GRIN3A: variants seen among roughly 807,000 people sequenced by gnomAD.
GRIN3A encodes the protein glutamate receptor ionotropic, NMDA 3A.
Under a neutral mutation model 92.4 loss-of-function variants are expected in GRIN3A, and 47 were observed. That is an observed-to-expected ratio of 0.51 (90% CI 0.40 to 0.65). The LOEUF is 0.65. GRIN3A is among the 30% of genes least tolerant of loss of function. GRIN3A has a pLI of 0.00. For missense variants in GRIN3A, 1,324 were observed against 1,393.1 expected, an observed-to-expected ratio of 0.95 and a Z score of 0.79; for synonymous variants, 527 against 540.6, an observed-to-expected ratio of 0.97 and a Z score of 0.35.
intron 6 of GRIN3A, among the ~76,000 whole-genome samples, chr9:101,606,905 C>CTTTTTTT (rs1828291100): frequency 9.6e-6 from 1 of 103,668 alleles, no homozygotes; most frequent in African/African-American, 3.5e-5. Flanking sequence ...AAAAAAATTA[C>CTTTTTTT]ATTTTTTTTT....
chr9:101,610,768 A>G (rs1250786045), intron 6 of GRIN3A, among the ~76,000 whole-genome samples: 1 of 152,166 alleles, frequency 6.6e-6, no homozygotes, highest in African/African-American at 2.4e-5. Context: ...AGCAAGTGTC[A>G]GAGGATGGAG....
intron 1 of GRIN3A, among the ~76,000 whole-genome samples, chr9:101,687,686 T>C (rs912917398): frequency 6.6e-6 from 1 of 152,226 alleles, no homozygotes; most frequent in African/African-American, 2.4e-5. Context: ...GATGGATGCA[T>C]CATAGTTTCC....
At chr9:101,696,098 GC>G (rs1383219318) in intron 1 of GRIN3A, among the ~76,000 whole-genome samples, 2 of 152,178 alleles carry the variant, frequency 1.3e-5, no homozygotes, top group Admixed American at 1.3e-4. Context: ...AAATAGACCA[GC>G]ATTAGCAGCA....
intron 1 of GRIN3A, among the ~76,000 whole-genome samples, chr9:101,710,915 T>C (rs1271683171): frequency 6.6e-6 from 1 of 152,222 alleles, no homozygotes; most frequent in Non-Finnish European, 1.5e-5. Flanking sequence ...CTATGTTTTC[T>C]CATATACATA....
Position 101,670,835 on chromosome 9 carries a change from A to G in GRIN3A, c.1577T>C (p.Val526Ala). 3 of 1,613,980 alleles carry G rather than the reference A, an allele frequency of 1.9e-6. No homozygotes were observed. The highest frequency in any genetic ancestry group is 1.1e-5 in the South Asian group (1 of 91,080). The change falls in exon 3 of 9, where the codon GTC becomes GCC. Residue 526 changes from valine to alanine, a missense_variant. Physicochemically the swap from Val to Ala is moderately conservative, Grantham distance 64. Transcript: ENST00000361820. ...RVVTLIEHPFVFTREVDDEGL... is the reference protein window; with the variant it reads ...RVVTLIEHPFAFTREVDDEGL... The stretch of plus-strand genomic sequence containing the variant: ...TTCATCATCTACCTCCCTTGTGAAG[A>G]CAAAAGGATGCTCAATCAGGGTAAC...
chr9:101,601,106 A>G (rs1010534528), intron 6 of GRIN3A: 1 of 152,218 alleles, frequency 6.6e-6, no homozygotes, highest in African/African-American at 2.4e-5. Flanking sequence ...TTCTTCAAGA[A>G]GTATTTGATC....
intron 1 of GRIN3A, among the ~76,000 whole-genome samples, chr9:101,721,842 A>T (rs1830016322): frequency 6.6e-6 from 1 of 152,228 alleles, no homozygotes; most frequent in African/African-American, 2.4e-5. Context: ...GGGTGCTGTT[A>T]AAAGCATTCC....
chr9:101,615,755 T>A (rs1828441748), intron 5 of GRIN3A, among the ~76,000 whole-genome samples: 2 of 152,180 alleles, frequency 1.3e-5, no homozygotes, highest in African/African-American at 4.8e-5. Context: ...GAGCCCAGTA[T>A]GTCCTAGTAC....
rs1827759361 is a variant in GRIN3A, at chr9:101,571,463, G to A, written c.*1711C>T. On this transcript the variant is annotated 3_prime_UTR_variant, in exon 9 of 9. Transcript: ENST00000361820. Reference sequence around the variant, plus strand: ...CAGCTGTAAAAGAGGAAAGTGCTTGGCACAGCTCCTGAACTTATTGTAGGC... The same window carrying A: ...CAGCTGTAAAAGAGGAAAGTGCTTGACACAGCTCCTGAACTTATTGTAGGC... The A allele has an allele frequency of 6.6e-6, 1 of 152,136 alleles. No individual in the cohort carries two copies. The highest frequency in any genetic ancestry group is 2.4e-5 in the African/African-American group (1 of 41,422). 9.4% of individuals were successfully genotyped at this position (152,136 alleles called of 1,614,324 possible).
In GRIN3A at chr9:101,675,669, T is replaced by TA. The variant is rs1393403554; in HGVS notation, c.1305-4563_1305-4562insT. On this transcript the variant is annotated intron_variant, in intron 2 of 8. Transcript: ENST00000361820. ...GGCACAATGTTGACATAGGAGGGGTTTTTTTTTTGTAATTTTAAAAGGTTT... is the reference window on the plus strand; with the variant it reads ...GGCACAATGTTGACATAGGAGGGGTTATTTTTTTTGTAATTTTAAAAGGTTT... Among the ~76,000 whole-genome samples the TA allele has an allele frequency of 2.0e-5, 3 of 150,544 alleles. No homozygotes were observed. In the South Asian group the frequency reaches 6.3e-4, roughly 31 times the overall value.
intron 8 of GRIN3A, among the ~76,000 whole-genome samples, chr9:101,574,945 C>A (rs1371747990): frequency 6.6e-6 from 1 of 152,204 alleles, no homozygotes; most frequent in Non-Finnish European, 1.5e-5. Context: ...TAGCTGCTTT[C>A]CCCATCCCCC....
rs1311695759 is a variant in GRIN3A at position 101,671,018 on chromosome 9, A to G, written c.1394T>C (p.Ile465Thr). Residue 465 changes from isoleucine to threonine, a missense_variant, in exon 3 of 9, where the codon ATC becomes ACC. By Grantham distance (89) the Ile-to-Thr change is moderately conservative. Coordinates refer to ENST00000361820, the MANE Select transcript of GRIN3A (RefSeq NM_133445.3). The stretch of plus-strand genomic sequence containing the variant: ...CATGGGGTCATGTTGAAGATTCCAG[A>G]TGAAAAAGTTGTTTTCTGAGCTGAC... ...TIVSSENNFF[I>T]WNLQHDPMGK... is the part of the protein sequence containing the mutation. The G allele has an allele frequency of 1.2e-6, 2 of 1,613,964 alleles. No homozygotes were observed. The highest frequency in any genetic ancestry group is 1.7e-6 in the Non-Finnish European group (2 of 1,179,902).
chr9:101,686,558 C>T lies in GRIN3A; in HGVS notation c.1304+38G>A, dbSNP rs539983951. 8 of 1,612,222 alleles carry T rather than the reference C, an allele frequency of 5.0e-6. No individual in the cohort carries two copies. In the Admixed American group the frequency reaches 1.2e-4, roughly 24 times the overall value. On this transcript the variant is annotated intron_variant, in intron 2 of 8. Transcript: ENST00000361820. ...GGGGAATTTTACTCTCTGTCATGGC[C>T]CTATGAATGGGGATATAACCGAGAC...
chr9:101,734,180 C>A (rs1193891889), intron 1 of GRIN3A, among the ~76,000 whole-genome samples: 1 of 151,956 alleles, frequency 6.6e-6, no homozygotes, highest in Non-Finnish European at 1.5e-5. Context: ...CTACACAAAA[C>A]CTGTAGAAGA....
chr9:101,639,242 G>C (rs1377018755), intron 3 of GRIN3A, among the ~76,000 whole-genome samples: 1 of 151,976 alleles, frequency 6.6e-6, no homozygotes, highest in African/African-American at 2.4e-5. Flanking sequence ...AATTACCTTA[G>C]ATCCATTATT....
In GRIN3A at chr9:101,577,813, A is replaced by G. The variant is rs778513546; in HGVS notation, c.2963T>C (p.Ile988Thr). The change falls in exon 8 of 9, where the codon ATA (isoleucine) becomes ACA (threonine). Residue 988 changes from isoleucine (I) to threonine (T), a missense_variant. Transcript: ENST00000361820. The part of the protein sequence containing the change: ...RLHRAINTSF[I>T]EEKQQHFKTK... ...CTTGAAATGCTGCTGCTTTTCCTCTATAAATGATGTATTTATTGCTCTGTG... is the reference window on the plus strand; with the variant it reads ...CTTGAAATGCTGCTGCTTTTCCTCTGTAAATGATGTATTTATTGCTCTGTG... 10 of 1,612,810 alleles carry G rather than the reference A, an allele frequency of 6.2e-6. No individual in the cohort carries two copies. The East Asian group carries it at 6.7e-5, about 11-fold the overall frequency.
intron 2 of GRIN3A, among the ~76,000 whole-genome samples, chr9:101,679,892 G>A (rs763804598): frequency 2.4e-4 from 36 of 152,158 alleles, no homozygotes; most frequent in Non-Finnish European, 3.4e-4. Context: ...GGACAAGAAT[G>A]CTTATAAAAT....
chr9:101,596,558 G>A (rs1026275561), intron 6 of GRIN3A, among the ~76,000 whole-genome samples: 2 of 152,136 alleles, frequency 1.3e-5, no homozygotes, highest in Non-Finnish European at 2.9e-5. Context: ...TGGACTCTCT[G>A]GGGGAAATAT....
At chr9:101,617,603 T>A (rs1828478728) in intron 5 of GRIN3A, among the ~76,000 whole-genome samples, 1 of 151,424 alleles carries the variant, frequency 6.6e-6, no homozygotes, top group South Asian at 2.1e-4. Context: ...TATTGATATT[T>A]TATTTTATTT....
Sources: gnomAD v4.1 joint callset for allele counts (sites outside exome capture counted in the v4.1 genomes callset) on GRCh38, gnomAD v4.1.1 for gene constraint, MANE v1.5 for transcripts, NCBI Gene and HGNC (gene_info 2026-07-23, HGNC 2026-07-21) for gene names.